The following CASP10 variants were observed in gnomAD, a reference collection of about 807,000 sequenced individuals.
The protein encoded by CASP10 is caspase 10, also known as caspase-10.
CASP10 carries 41 observed loss-of-function variants against 48.5 expected under a neutral mutation model. That is an observed-to-expected ratio of 0.85 (90% CI 0.66 to 1.10). The LOEUF (loss-of-function observed/expected upper bound fraction) is 1.10. Ranked by LOEUF, CASP10 falls within the 50% of genes least tolerant of loss-of-function variation. The pLI is 0.00. For synonymous variants in CASP10, 232 were observed against 238.4 expected, an observed-to-expected ratio of 0.97 and a Z score of 0.25; for missense variants, 614 against 614.5, an observed-to-expected ratio of 1.00 and a Z score of 0.01.
At chr2:201,192,684 T>C (rs1944651646) in intron 3 of CASP10, among the ~76,000 whole-genome samples, 1 of 152,182 alleles carries the variant, frequency 6.6e-6, no homozygotes, top group Admixed American at 6.5e-5. Context: ...AATTATTTCA[T>C]CTTTAAAATG....
At chr2:201,202,350 G>A (rs973394612) in intron 5 of CASP10, among the ~76,000 whole-genome samples, 4 of 152,188 alleles carry the variant, frequency 2.6e-5, no homozygotes, top group Admixed American at 2.6e-4. Context: ...CTGACATAGA[G>A]ACTTGAGAGG....
rs888093961 is a variant in CASP10 at position 201,220,832 on chromosome 2, A to G, written c.*3091A>G. 2 of 985,502 alleles carry G rather than the reference A, an allele frequency of 2.0e-6. No individual in the cohort carries two copies. Among genetic ancestry groups the G allele is most frequent in the African/African-American group, 3.5e-5 (2 of 57,372 alleles). The allele number at this position is 985,502 out of a possible 1,614,324, so 61.0% of individuals were successfully genotyped here. A position where few individuals can be genotyped will look rare whatever the true frequency, so the allele number is the denominator to read the frequency against. On this transcript the variant is annotated 3_prime_UTR_variant, in exon 10 of 10. Transcript: ENST00000286186. ...TCCTTGTCCAGTTGGCAGAACTGAC[A>G]TGTGAAGGCAAGTGAAGGATGGTGA...
intron 4 of CASP10, among the ~76,000 whole-genome samples, chr2:201,193,561 A>G (rs957605204): frequency 2.0e-5 from 3 of 152,138 alleles, no homozygotes; most frequent in African/African-American, 7.2e-5. Flanking sequence ...AAAGCCAGAA[A>G]TCTTCCCCTT....
intron 9 of CASP10, among the ~76,000 whole-genome samples, chr2:201,216,644 A>G (rs1316273870): frequency 6.6e-6 from 1 of 152,186 alleles, no homozygotes; most frequent in Non-Finnish European, 1.5e-5. Flanking sequence ...TCAGCAGAAC[A>G]GTGTAGCCAG....
In CASP10 at chr2:201,208,172, A is replaced by G. The variant is rs981465275; in HGVS notation, c.911A>G (p.His304Arg). ...FTSLKDRQGTHKDAEILSHVF... is the reference protein window; with the variant it reads ...FTSLKDRQGTRKDAEILSHVF... The stretch of plus-strand genomic sequence containing the variant: ...TCCCTGAAGGACAGACAAGGAACCC[A>G]TAAAGATGCTGGTAAGAAAGTCTGG... The change falls in exon 8 of 10, where the codon CAT (histidine) becomes CGT (arginine). Residue 304 changes from histidine to arginine, a missense_variant. Physicochemically the swap from His to Arg is conservative, Grantham distance 29. Coordinates refer to ENST00000286186, the MANE Select transcript of CASP10 (RefSeq NM_032977.4). 3 of 1,612,716 alleles carry G rather than the reference A, an allele frequency of 1.9e-6. No homozygotes were observed. The highest frequency in any genetic ancestry group is 2.7e-5 in the African/African-American group (2 of 74,872).
At chr2:201,228,988 T>C (rs777299879) in exon 10 of CASP10, 84 of 1,614,020 alleles carry the variant, frequency 5.2e-5, no homozygotes, top group Non-Finnish European at 6.6e-5. Flanking sequence ...GAGAACAGTG[T>C]GGGGTGCTAA....
At position 201,186,026 on chromosome 2, in the gene CASP10, C is replaced by G; in HGVS notation, c.249C>G (p.Leu83=). The change falls in exon 2 of 10, where the codon CTC becomes CTG. Residue 83 remains leucine, a synonymous_variant. Coordinates refer to ENST00000286186, the MANE Select transcript of CASP10 (RefSeq NM_032977.4). The stretch of plus-strand genomic sequence containing the variant: ...ACCCTTTCTTCCTGGCAGAACTCCT[C>G]TATATCATACGGCAGAAGAAGCTGC... ...EEDPFFLAEL[L]YIIRQKKLLQ... is the part of the protein sequence containing the mutation. The G allele has an allele frequency of 6.2e-7, 1 of 1,613,340 alleles. No individual in the cohort carries two copies. Among genetic ancestry groups the G allele is most frequent in the Non-Finnish European group, 8.5e-7 (1 of 1,179,988 alleles).
chr2:201,209,133 A>T lies in CASP10; in HGVS notation c.986A>T (p.Lys329Ile). The T allele has an allele frequency of 6.2e-7, 1 of 1,612,262 alleles. No individual in the cohort carries two copies. Among genetic ancestry groups the T allele is most frequent in the Non-Finnish European group, 8.5e-7 (1 of 1,179,378 alleles). ...FTVHIHNNVTKVEMEMVLQKQ... is the reference protein window; with the variant it reads ...FTVHIHNNVTIVEMEMVLQKQ... ...GTGCATATACACAATAATGTGACGA[A>T]AGTGGAAATGGAGATGGTCCTGCAG... is the stretch of plus-strand genomic sequence containing the variant. The change falls in exon 9 of 10, where the codon AAA becomes ATA. Residue 329 changes from lysine (K) to isoleucine (I), a missense_variant. Lys to Ile is a moderately radical substitution (Grantham distance 102, BLOSUM62 -3). Transcript: ENST00000286186.
chr2:201,218,405 C>A lies in CASP10; in HGVS notation c.*664C>A. The A allele has an allele frequency of 1.2e-6, 1 of 832,206 alleles. No homozygotes were observed. The highest frequency in any genetic ancestry group is 1.4e-6 in the Non-Finnish European group (1 of 690,582). The allele number at this position is 832,206 out of a possible 1,614,324, so 51.6% of individuals were successfully genotyped here. On this transcript the variant is annotated 3_prime_UTR_variant, in exon 10 of 10. Transcript: ENST00000286186. ...GCAGCCTTGACCTCCCAGGTTCAAG[C>A]GATCCTCCCACCTCAGCCTCCCAAG...
intron 5 of CASP10, among the ~76,000 whole-genome samples, chr2:201,202,776 G>A (rs970872389): frequency 2.0e-5 from 3 of 152,154 alleles, no homozygotes; most frequent in African/African-American, 7.2e-5. Context: ...GAAGGCTGAC[G>A]GCTGAGAGTC....
intron 5 of CASP10, 53 bp downstream of exon 5, chr2:201,196,001 C>A (rs893562126): frequency 4.2e-6 from 5 of 1,189,336 alleles, no homozygotes; most frequent in Non-Finnish European, 3.8e-6. Flanking sequence ...CACCCTCCAA[C>A]CTCCCCTCCC....
chr2:201,194,531 C>T (rs1454333400), intron 4 of CASP10, among the ~76,000 whole-genome samples: 1 of 152,116 alleles, frequency 6.6e-6, no homozygotes, highest in Non-Finnish European at 1.5e-5. Flanking sequence ...TTCTTTCTAT[C>T]ATCAAATTAT....
intron 3 of CASP10, among the ~76,000 whole-genome samples, chr2:201,190,893 C>G (rs888002143): frequency 1.3e-5 from 2 of 151,916 alleles, no homozygotes; most frequent in Non-Finnish European, 2.9e-5. Flanking sequence ...CAGAGTTTCA[C>G]TCTTGTTGCC....
intron 9 of CASP10, among the ~76,000 whole-genome samples, chr2:201,227,505 T>C (rs1417964679): frequency 6.6e-6 from 1 of 152,174 alleles, no homozygotes; most frequent in Non-Finnish European, 1.5e-5. Context: ...GAAACTCCCT[T>C]ATGACACTTC....
chr2:201,189,022 C>T (rs895183761), intron 3 of CASP10, among the ~76,000 whole-genome samples: 2 of 151,708 alleles, frequency 1.3e-5, no homozygotes, highest in African/African-American at 2.4e-5. Context: ...AGCAGCCTGC[C>T]ACTACGCCTG....
intron 5 of CASP10, among the ~76,000 whole-genome samples, chr2:201,201,787 C>T (rs1945028083): frequency 6.6e-6 from 1 of 152,114 alleles, no homozygotes; most frequent in Non-Finnish European, 1.5e-5. Context: ...TCTCATGTTT[C>T]TTAAGCACCT....
At chr2:201,209,737 A>G (rs750110843) in intron 9 of CASP10, among the ~76,000 whole-genome samples, 175 bp downstream of exon 9, 19 of 152,102 alleles carry the variant, frequency 1.2e-4, no homozygotes, top group African/African-American at 3.9e-4. Context: ...CCACCCATTC[A>G]TCTATCCATC....
chr2:201,222,220 C>CTT (rs11392581), downstream of CASP10, among the ~76,000 whole-genome samples: 4,827 of 136,592 alleles, frequency 0.035, 126 homozygotes, highest in Middle Eastern at 0.094. Context: ...TTTATTCATT[C>CTT]TTTTTTTTTT....
At position 201,185,911 on chromosome 2, in the gene CASP10, G is replaced by A. The variant is rs1158417087; in HGVS notation, c.134G>A (p.Gly45Glu). 19 of 1,614,020 alleles carry A rather than the reference G, an allele frequency of 1.2e-5. No individual in the cohort carries two copies. The highest frequency in any genetic ancestry group is 1.4e-5 in the Non-Finnish European group (16 of 1,180,000). Residue 45 changes from glycine (G) to glutamate (E), a missense_variant, in exon 2 of 10, where the codon GGA becomes GAA. Transcript: ENST00000286186. ...DVENLKFLCI[G>E]LVPNKKLEKS... ...GAGAACCTCAAGTTTCTCTGCATAG[G>A]ATTGGTCCCCAACAAGAAGCTGGAG...
Sources: gnomAD v4.1 joint callset for allele counts (sites outside exome capture counted in the v4.1 genomes callset) on GRCh38, gnomAD v4.1.1 for gene constraint, MANE v1.5 for transcripts, NCBI Gene and HGNC (gene_info 2026-07-23, HGNC 2026-07-21) for gene names.